Variants in DIAPH2 observed in about 807,000 individuals in gnomAD.
The protein encoded by DIAPH2 is protein diaphanous homolog 2.
Under a neutral mutation model 92.7 loss-of-function variants are expected in DIAPH2, and 35 were observed. The observed-to-expected ratio is 0.38, with a 90% CI of 0.29 to 0.50. DIAPH2 has a LOEUF of 0.50. DIAPH2 is among the 20% of genes least tolerant of loss of function. The pLI is 0.94. For missense variants in DIAPH2, 701 were observed against 819.5 expected (o/e 0.86, Z 1.77); for synonymous variants, 301 against 280.4 (o/e 1.07, Z -0.73).
At chrX:97,588,417 C>A (rs1404583509) in intron 26 of DIAPH2, among the ~76,000 whole-genome samples, 2 of 111,129 alleles carry the variant, frequency 1.8e-5, no homozygotes, top group South Asian at 3.8e-4. Context: ...ACCCGGAATG[C>A]ATGCTTTACT....
At chrX:97,135,758 T>G (rs2067166238) in intron 21 of DIAPH2, among the ~76,000 whole-genome samples, 1 of 111,575 alleles carries the variant, frequency 9.0e-6, no homozygotes, top group Admixed American at 9.5e-5. Context: ...TATTCGTAAC[T>G]AACTCACTGA....
chrX:97,118,881 CCTGA>C (rs1176763337), intron 21 of DIAPH2, among the ~76,000 whole-genome samples: 1 of 112,253 alleles, frequency 8.9e-6, no homozygotes, highest in Non-Finnish European at 1.9e-5. Flanking sequence ...GCCAAATTTT[CCTGA>C]CTAAGTCACT....
chrX:97,159,442 T>G (rs1355358312), intron 22 of DIAPH2, among the ~76,000 whole-genome samples: 1 of 112,264 alleles, frequency 8.9e-6, no homozygotes, highest in African/African-American at 3.2e-5. Flanking sequence ...TCAATCTAAT[T>G]AGTCCTTGTA....
At chrX:97,333,970 T>C (rs997411071) in intron 23 of DIAPH2, among the ~76,000 whole-genome samples, 1 of 111,352 alleles carries the variant, frequency 9.0e-6, no homozygotes, top group African/African-American at 3.3e-5. Context: ...ATTATCCTTC[T>C]CCTGTTGCCA....
At chrX:96,870,830 C>T (rs1444259537) in intron 4 of DIAPH2, among the ~76,000 whole-genome samples, 1 of 111,688 alleles carries the variant, frequency 9.0e-6, no homozygotes, top group African/African-American at 3.3e-5. Context: ...CAATGTATAG[C>T]TTCATTACCT....
chrX:97,584,275 T>A (rs1456844638), intron 26 of DIAPH2, among the ~76,000 whole-genome samples: 1 of 112,224 alleles, frequency 8.9e-6, no homozygotes, highest in Non-Finnish European at 1.9e-5. Context: ...CAATGCATTG[T>A]TTCTCAAATT....
intron 4 of DIAPH2, among the ~76,000 whole-genome samples, chrX:96,879,081 G>C (rs2065196472): frequency 8.9e-6 from 1 of 112,108 alleles, no homozygotes; most frequent in Non-Finnish European, 1.9e-5. Flanking sequence ...AGGATATAGT[G>C]GTGAACAAGG....
At chrX:97,067,096 G>A (rs1047248369) in intron 17 of DIAPH2, among the ~76,000 whole-genome samples, 1 of 111,594 alleles carries the variant, frequency 9.0e-6, no homozygotes, top group Non-Finnish European at 1.9e-5. Flanking sequence ...TATGTAGCAT[G>A]TGCAAGGAGA....
chrX:96,777,024 A>G (rs1157140737), intron 4 of DIAPH2, among the ~76,000 whole-genome samples: 2 of 111,970 alleles, frequency 1.8e-5, no homozygotes, highest in Non-Finnish European at 3.8e-5. Flanking sequence ...ATGAATTCCT[A>G]TTTTATTATA....
At chrX:97,347,941 G>T (rs777101677) in intron 23 of DIAPH2, among the ~76,000 whole-genome samples, 175 bp from the exon 24 acceptor site, 2 of 111,756 alleles carry the variant, frequency 1.8e-5, no homozygotes, top group Non-Finnish European at 3.8e-5. Flanking sequence ...AGTTTCTGTT[G>T]TTTAAGCCAC....
chrX:96,853,656 T>G (rs2065018824), intron 4 of DIAPH2, among the ~76,000 whole-genome samples: 1 of 111,976 alleles, frequency 8.9e-6, no homozygotes, highest in South Asian at 3.7e-4. Context: ...TTCTCTATTT[T>G]AGGACTTCAG....
intron 26 of DIAPH2, among the ~76,000 whole-genome samples, chrX:97,520,102 C>T (rs1366066508): frequency 8.9e-6 from 1 of 112,325 alleles, no homozygotes; most frequent in African/African-American, 3.2e-5. Context: ...AAAAAATTCA[C>T]CTACCAAATC....
rs141409099 is a variant in DIAPH2 at position 96,694,434 on chromosome X, G to A, written c.132+9244G>A. Among the ~76,000 whole-genome samples the A allele has an allele frequency of 2.7e-3, 296 of 109,784 alleles. 3 individuals carry two copies. Among genetic ancestry groups the A allele is most frequent in the African/African-American group, 9.3e-3 (279 of 30,066 alleles). On this transcript the variant is annotated intron_variant, in intron 1 of 26. Coordinates refer to ENST00000324765, the MANE Select transcript of DIAPH2 (RefSeq NM_006729.5). ...CTGCTTACTGCAACCTCCGCCTCCC[G>A]GGTTCAAGCGATTCTTCTGCCTCAG...
At chrX:97,005,633 G>T (rs1346887439) in intron 17 of DIAPH2, among the ~76,000 whole-genome samples, 1 of 110,860 alleles carries the variant, frequency 9.0e-6, no homozygotes, top group Non-Finnish European at 1.9e-5. Context: ...TCCGCCTCCC[G>T]GGTTCACGCC....
At chrX:97,483,042 G>GT (rs1485795543) in intron 26 of DIAPH2, among the ~76,000 whole-genome samples, 1 of 111,313 alleles carries the variant, frequency 9.0e-6, no homozygotes, top group Non-Finnish European at 1.9e-5. Context: ...TTACTGACAA[G>GT]TGAATAATAG....
At chrX:97,243,645 G>A (rs2068116617) in intron 22 of DIAPH2, among the ~76,000 whole-genome samples, 1 of 111,590 alleles carries the variant, frequency 9.0e-6, no homozygotes, top group Non-Finnish European at 1.9e-5. Context: ...GAATGGAGGA[G>A]CCTAAGAAAG....
chrX:97,377,656 T>A (rs937512921), intron 24 of DIAPH2, among the ~76,000 whole-genome samples: 1 of 111,622 alleles, frequency 9.0e-6, no homozygotes, highest in African/African-American at 3.3e-5. Context: ...TTAAACTAGA[T>A]CTCCCAGCCC....
intron 25 of DIAPH2, among the ~76,000 whole-genome samples, chrX:97,391,746 A>T: frequency 9.0e-6 from 1 of 111,358 alleles, no homozygotes; most frequent in Middle Eastern, 4.7e-3. Context: ...TGTGGCATGC[A>T]AAATTATATA....
intron 19 of DIAPH2, among the ~76,000 whole-genome samples, chrX:97,086,087 A>C (rs1476111336): frequency 8.9e-6 from 1 of 111,844 alleles, no homozygotes; most frequent in Non-Finnish European, 1.9e-5. Context: ...GGAATGCTTA[A>C]AATATCTTTT....
Sources: allele counts gnomAD v4.1 joint callset (sites outside exome capture counted in the v4.1 genomes callset), GRCh38; gene constraint gnomAD v4.1.1; transcripts MANE v1.5; gene names NCBI Gene and HGNC (gene_info 2026-07-23, HGNC 2026-07-21).